Variants in DRGX observed in about 807,000 individuals in gnomAD.
The protein encoded by DRGX is dorsal root ganglia homeobox, also known as dorsal root ganglia homeobox protein.
DRGX carries 21 observed loss-of-function variants against 28.6 expected under a neutral mutation model. That is an observed-to-expected ratio of 0.73 (90% confidence interval 0.52 to 1.06). DRGX has a LOEUF of 1.06. Among genes scored for constraint, DRGX ranks in the 50% least tolerant of loss-of-function variants. The probability of loss-of-function intolerance (pLI) is 0.00; values close to 1 mark genes in which losing one functional copy is unlikely to be tolerated. For synonymous variants in DRGX, 136 were observed against 139.1 expected (o/e 0.98, Z 0.16); for missense variants, 354 against 343.9 (o/e 1.03, Z -0.23).
chr10:49,376,482 A>T (rs2132474683), intron 6 of DRGX, among the ~76,000 whole-genome samples: 1 of 151,660 alleles, frequency 6.6e-6, no homozygotes, highest in South Asian at 2.1e-4. Flanking sequence ...GTACTGGGAG[A>T]CTCTCCCATG....
chr10:49,368,080 C>T (rs1849618028), intron 6 of DRGX, among the ~76,000 whole-genome samples: 1 of 152,210 alleles, frequency 6.6e-6, no homozygotes, highest in South Asian at 2.1e-4. Context: ...CCTCCTCTTC[C>T]TTGCCAAGCC....
intron 6 of DRGX, among the ~76,000 whole-genome samples, chr10:49,373,451 C>G (rs58070295): frequency 1.3e-5 from 2 of 152,114 alleles, no homozygotes; most frequent in Non-Finnish European, 2.9e-5. Context: ...GATGTCCCCC[C>G]ACCCCAAAAT....
chr10:49,369,290 G>A (rs1340206028), intron 6 of DRGX, among the ~76,000 whole-genome samples: 1 of 152,142 alleles, frequency 6.6e-6, no homozygotes, highest in Non-Finnish European at 1.5e-5. Context: ...GTCTACATGT[G>A]CCTGGCTCAC....
chr10:49,392,118 A>G (rs1849913181), intron 2 of DRGX, among the ~76,000 whole-genome samples: 1 of 152,208 alleles, frequency 6.6e-6, no homozygotes, highest in South Asian at 2.1e-4. Context: ...AATGTGCTCT[A>G]TTTACTTGAT....
chr10:49,395,103 C>A (rs546648347), intron 2 of DRGX, among the ~76,000 whole-genome samples: 3 of 152,222 alleles, frequency 2.0e-5, no homozygotes, highest in Non-Finnish European at 4.4e-5. Flanking sequence ...TTGCGGAGCC[C>A]CAATTAGAGG....
intron 6 of DRGX, among the ~76,000 whole-genome samples, chr10:49,371,041 T>A (rs1402060680): frequency 1.3e-5 from 2 of 152,230 alleles, no homozygotes; most frequent in Non-Finnish European, 2.9e-5. Context: ...GGAACTACAG[T>A]GATCTCGGCA....
chr10:49,380,112 G>T (rs971126731), intron 6 of DRGX, among the ~76,000 whole-genome samples: 2 of 152,220 alleles, frequency 1.3e-5, no homozygotes, highest in African/African-American at 4.8e-5. Context: ...TCCCACCTGG[G>T]AAGGTCAGCT....
chr10:49,375,530 A>G lies in DRGX; in HGVS notation c.527-9149T>C, dbSNP rs1849707532. 4.6e-5 allele frequency among the ~76,000 whole-genome samples: 7 copies of G among 152,182 alleles called. No individual in the cohort carries two copies. The South Asian group carries it at 1.5e-3, about 32-fold the overall frequency. ...TGTCAAAATCCCTGAGTTAATTTGGAAGGGGTTTTGGTGGAATCAGCTCTA... is the reference window on the plus strand; with the variant it reads ...TGTCAAAATCCCTGAGTTAATTTGGGAGGGGTTTTGGTGGAATCAGCTCTA... On this transcript the variant is annotated intron_variant, in intron 6 of 6. Coordinates refer to ENST00000374139, the MANE Select transcript of DRGX (RefSeq NM_001276451.2).
At chr10:49,395,225 G>A (rs951749273) in intron 2 of DRGX, among the ~76,000 whole-genome samples, 182 bp downstream of exon 2, 1 of 152,132 alleles carries the variant, frequency 6.6e-6, no homozygotes, top group Non-Finnish European at 1.5e-5. Flanking sequence ...GCGACGGGGC[G>A]GGGAGCTGGA....
intron 2 of DRGX, 39 bp from the exon 3 acceptor site, chr10:49,391,300 C>A (rs570656202): frequency 1.3e-6 from 2 of 1,575,462 alleles, no homozygotes; most frequent in South Asian, 2.3e-5. Context: ...CAGGAAGGGG[C>A]CCCAGTCCTC....
rs1428084658 is a variant in DRGX, at chr10:49,364,305, TTTC to T, written c.*1808_*1810del. The T allele has an allele frequency of 6.6e-6, 1 of 152,244 alleles. No individual in the cohort carries two copies. Among genetic ancestry groups the T allele is most frequent in the Non-Finnish European group, 1.5e-5 (1 of 68,040 alleles). The allele number at this position is 152,244 out of a possible 1,614,324, so 9.4% of individuals were successfully genotyped here. A position where few individuals can be genotyped will look rare whatever the true frequency, so the allele number is the denominator to read the frequency against. On this transcript the variant is annotated 3_prime_UTR_variant, in exon 7 of 7. Coordinates refer to ENST00000374139, the MANE Select transcript of DRGX (RefSeq NM_001276451.2). ...ATCAGTGCTTCGTGGTAATACATAA[TTTC>T]TTATCAATTATTCATGCTAATGTGT...
intron 6 of DRGX, among the ~76,000 whole-genome samples, chr10:49,381,528 C>G (rs976937616): frequency 2.6e-5 from 4 of 152,222 alleles, no homozygotes; most frequent in Non-Finnish European, 5.9e-5. Flanking sequence ...TATGTGGAGG[C>G]TCTCTCAATA....
intron 6 of DRGX, among the ~76,000 whole-genome samples, chr10:49,378,726 T>C (rs1849741742): frequency 1.3e-5 from 2 of 152,228 alleles, no homozygotes; most frequent in South Asian, 2.1e-4. Context: ...ACTGTCTTTA[T>C]AGACATGCTT....
chr10:49,390,195 GA>G lies in DRGX; in HGVS notation c.171del (p.Pro58GlnfsTer11). On this transcript the variant is annotated frameshift_variant, in exon 4 of 7. Transcript: ENST00000374139. LOFTEE classifies it high-confidence loss of function. ...AGCTCTTCTCTGGTGAAGACATCTGGATAGTGTGTTTGGGCAAAAACGGCCT... is the reference window on the plus strand; with the variant it reads ...AGCTCTTCTCTGGTGAAGACATCTGGTAGTGTGTTTGGGCAAAAACGGCCT... The part of the protein sequence containing the change: ...ALEAVFAQTH[Y>X]PDVFTREELA... 6.2e-7 allele frequency: 1 copy of G among 1,613,160 alleles called. No individual in the cohort carries two copies. Among genetic ancestry groups the G allele is most frequent in the Non-Finnish European group, 8.5e-7 (1 of 1,179,598 alleles).
At chr10:49,375,675 C>G (rs1260517639) in intron 6 of DRGX, among the ~76,000 whole-genome samples, 1 of 152,178 alleles carries the variant, frequency 6.6e-6, no homozygotes, top group Non-Finnish European at 1.5e-5. Context: ...CCAACCAGAG[C>G]CTTGTGCTGT....
chr10:49,378,783 A>G (rs1354111898), intron 6 of DRGX, among the ~76,000 whole-genome samples: 1 of 152,220 alleles, frequency 6.6e-6, no homozygotes, highest in East Asian at 1.9e-4. Context: ...CCTAATTGCA[A>G]CAAATCTTGT....
At chr10:49,380,293 C>T (rs1054860030) in intron 6 of DRGX, among the ~76,000 whole-genome samples, 6 of 152,200 alleles carry the variant, frequency 3.9e-5, no homozygotes, top group South Asian at 4.1e-4. Flanking sequence ...GCTAATGCAC[C>T]GAGGAGAGCA....
Position 49,391,065 on chromosome 10 carries a change from C to T in DRGX, c.132+99G>A, listed in dbSNP as rs149887276. ...AACAGAAAGATTCAGTTAGCATAAT[C>T]AATTGGTCTTATTTTAAAAGACAAA... is the stretch of plus-strand genomic sequence containing the variant. On this transcript the variant is annotated intron_variant, in intron 3 of 6. Transcript: ENST00000374139. 49 of 1,287,368 alleles carry T rather than the reference C, an allele frequency of 3.8e-5. No homozygotes were observed. In the African/African-American group the frequency reaches 6.3e-4, roughly 17 times the overall value. The allele number at this position is 1,287,368 out of a possible 1,614,324, so 79.7% of individuals were successfully genotyped here. A position where few individuals can be genotyped will look rare whatever the true frequency, so the allele number is the denominator to read the frequency against.
At chr10:49,374,132 A>T (rs2132472848) in intron 6 of DRGX, among the ~76,000 whole-genome samples, 1 of 152,208 alleles carries the variant, frequency 6.6e-6, no homozygotes. Context: ...TATTACTCTC[A>T]TAGAAAGGGT....
Sources: allele counts gnomAD v4.1 joint callset (sites outside exome capture counted in the v4.1 genomes callset), GRCh38; gene constraint gnomAD v4.1.1; transcripts MANE v1.5; gene names NCBI Gene and HGNC (gene_info 2026-07-23, HGNC 2026-07-21).